RNF38: variants seen among roughly 807,000 people sequenced by gnomAD.
The protein encoded by RNF38 is ring finger protein 38.
In RNF38, 15 loss-of-function variants were observed where a neutral mutation model predicts 67.2. The ratio of observed to expected loss-of-function variants is 0.22; its 90% CI spans 0.15 to 0.34. RNF38 has a LOEUF of 0.34. RNF38 is among the 10% of genes least tolerant of loss of function. The probability of loss-of-function intolerance (pLI) is 1.00; values close to 1 mark genes in which losing one functional copy is unlikely to be tolerated. For missense variants in RNF38, 524 were observed against 639.9 expected (o/e 0.82, Z 1.95); for synonymous variants, 220 against 218.8 (o/e 1.01, Z -0.05).
chr9:36,344,782 A>G, intron 10 of RNF38, 50 bp downstream of exon 10: 1 of 1,574,658 alleles, frequency 6.4e-7, no homozygotes, highest in South Asian at 1.1e-5. Flanking sequence ...CTTTTATTTC[A>G]TAAAGGTAGA....
intron 1 of RNF38, among the ~76,000 whole-genome samples, chr9:36,474,149 T>A (rs564419008): frequency 6.7e-6 from 1 of 149,524 alleles, no homozygotes; most frequent in Non-Finnish European, 1.5e-5. Flanking sequence ...CCATCTCTAC[T>A]ACAAATACAA....
intron 1 of RNF38, among the ~76,000 whole-genome samples, chr9:36,453,799 G>C (rs1839519429): frequency 6.6e-6 from 1 of 152,182 alleles, no homozygotes; most frequent in South Asian, 2.1e-4. Context: ...CAAAATAACT[G>C]ATGTGAGTCA....
intron 5 of RNF38, 56 bp from the exon 6 acceptor site, chr9:36,356,529 A>T: frequency 2.8e-6 from 4 of 1,424,604 alleles, no homozygotes; most frequent in Non-Finnish European, 3.8e-6. Context: ...TGATTAATTT[A>T]AAAGGATAGT....
At chr9:36,470,050 G>A (rs977485326) in intron 1 of RNF38, among the ~76,000 whole-genome samples, 3 of 152,060 alleles carry the variant, frequency 2.0e-5, no homozygotes, top group Admixed American at 1.3e-4. Flanking sequence ...GATTCTCCTC[G>A]GTTGTTTCTA....
chr9:36,364,845 A>G lies in RNF38; in HGVS notation c.570+4874T>C, dbSNP rs1469804181. ...GTCTGCGAATCTGCAGTTCTAACAA[A>G]TATCTAGGTGATGCTGCTGCTGCTC... On this transcript the variant is annotated intron_variant, in intron 4 of 11. Transcript: ENST00000259605. 2.0e-5 allele frequency among the ~76,000 whole-genome samples: 3 copies of G among 152,212 alleles called. No individual in the cohort carries two copies. In the East Asian group the frequency reaches 5.8e-4, roughly 29 times the overall value.
intron 1 of RNF38, among the ~76,000 whole-genome samples, chr9:36,480,506 C>A (rs927216820): frequency 5.3e-5 from 8 of 151,746 alleles, no homozygotes; most frequent in African/African-American, 1.9e-4. Flanking sequence ...TGTCCTACTA[C>A]CTAACTGCTT....
At chr9:36,475,977 C>G (rs967572894) in intron 1 of RNF38, among the ~76,000 whole-genome samples, 7 of 147,050 alleles carry the variant, frequency 4.8e-5, no homozygotes, top group African/African-American at 1.3e-4. Context: ...CCACTGTACT[C>G]CAGCCTGGGT....
intron 4 of RNF38, among the ~76,000 whole-genome samples, chr9:36,359,279 AT>A (rs149823795): frequency 0.045 from 6,528 of 145,182 alleles, 271 homozygotes; most frequent in Admixed American, 0.14. Flanking sequence ...GTCTTTTGTG[AT>A]TTTTTTTTTT....
At chr9:36,442,852 A>G (rs1031307902) in intron 1 of RNF38, among the ~76,000 whole-genome samples, 5 of 152,226 alleles carry the variant, frequency 3.3e-5, no homozygotes, top group Admixed American at 6.5e-5. Context: ...CTATAGGCCT[A>G]CCCACATAGA....
At chr9:36,386,050 C>T (rs1265993826) in intron 2 of RNF38, among the ~76,000 whole-genome samples, 2 of 152,164 alleles carry the variant, frequency 1.3e-5, no homozygotes, top group South Asian at 4.1e-4. Context: ...AATAAACAAA[C>T]TTATTTATCG....
chr9:36,460,889 A>G (rs1331239131), intron 1 of RNF38, among the ~76,000 whole-genome samples: 2 of 146,050 alleles, frequency 1.4e-5, no homozygotes, highest in Non-Finnish European at 3.0e-5. Flanking sequence ...CTCTCTCAAA[A>G]AAAAAAAAAA....
At chr9:36,398,417 T>TA (rs201541583) in intron 1 of RNF38, among the ~76,000 whole-genome samples, 3 of 151,904 alleles carry the variant, frequency 2.0e-5, no homozygotes, top group South Asian at 2.1e-4. Flanking sequence ...AAACTAAAAT[T>TA]AAAAAAAAAT....
intron 2 of RNF38, among the ~76,000 whole-genome samples, chr9:36,378,169 C>CTTTTTTTTTTTTTTTTTTTTTT (rs35057784): frequency 8.7e-6 from 1 of 114,882 alleles, no homozygotes; most frequent in Non-Finnish European, 1.7e-5. Context: ...TTAACACTGA[C>CTTTTTTTTTTTTTTTTTTTTTT]TTTTTTTTTT....
intron 2 of RNF38, among the ~76,000 whole-genome samples, chr9:36,416,027 A>G (rs1004995545): frequency 2.0e-5 from 3 of 151,848 alleles, no homozygotes; most frequent in Non-Finnish European, 4.4e-5. Flanking sequence ...CACTTGGATA[A>G]GTATTCTGAT....
At chr9:36,445,546 G>C (rs1328411757) in intron 1 of RNF38, among the ~76,000 whole-genome samples, 1 of 152,228 alleles carries the variant, frequency 6.6e-6, no homozygotes, top group African/African-American at 2.4e-5. Flanking sequence ...TACGGGTATA[G>C]AGATGCTTAT....
At chr9:36,485,309 T>TATATATATATATATATATATAC (rs1840380019) in intron 1 of RNF38, among the ~76,000 whole-genome samples, 1 of 152,114 alleles carries the variant, frequency 6.6e-6, no homozygotes, top group African/African-American at 2.4e-5. Context: ...TTAGGGTATA[T>TATATATATATATATATATATAC]ATACACACAC....
chr9:36,444,880 T>A (rs1377424551), intron 1 of RNF38, among the ~76,000 whole-genome samples: 1 of 151,940 alleles, frequency 6.6e-6, no homozygotes, highest in Non-Finnish European at 1.5e-5. Flanking sequence ...AACCTGAAAA[T>A]TTAAAATAGT....
rs191591093 is a variant in RNF38, at chr9:36,453,872, G to A, written n.242-29189C>T. ...ATAATGACATAGTAGTCATGTACACGATTAGAGATTCATACTGAAATATTT... is the reference window on the plus strand; with the variant it reads ...ATAATGACATAGTAGTCATGTACACAATTAGAGATTCATACTGAAATATTT... On this transcript the variant is annotated intron_variant and non_coding_transcript_variant, in intron 1 of 3. Coordinates refer to the RNF38 transcript ENST00000488058. Among the ~76,000 whole-genome samples, 63 of 152,256 alleles carry A rather than the reference G, an allele frequency of 4.1e-4. 1 individual carries two copies. The East Asian group carries it at 9.6e-3, about 23-fold the overall frequency.
chr9:36,401,004 C>A, upstream of RNF38: 1 of 984,154 alleles, frequency 1.0e-6, no homozygotes, highest in Non-Finnish European at 1.2e-6. Flanking sequence ...CGCGCGCAGG[C>A]GACTCCCCTC....
Sources: allele counts gnomAD v4.1 joint callset (sites outside exome capture counted in the v4.1 genomes callset), GRCh38; gene constraint gnomAD v4.1.1; transcripts MANE v1.5; gene names NCBI Gene and HGNC (gene_info 2026-07-23, HGNC 2026-07-21).